SNX16: variants seen among roughly 807,000 people sequenced by gnomAD.
The protein encoded by SNX16 is sorting nexin 16.
Under a neutral mutation model 36.7 loss-of-function variants are expected in SNX16, and 35 were observed. The observed-to-expected ratio is 0.95, with a 90% CI of 0.73 to 1.27. The LOEUF (loss-of-function observed/expected upper bound fraction) is 1.27, where lower values mean the gene tolerates loss of function less well. SNX16 is among the 50% of genes most tolerant of loss of function. The probability of loss-of-function intolerance (pLI) is 0.00; values close to 1 mark genes in which losing one functional copy is unlikely to be tolerated. For synonymous variants in SNX16, 134 were observed against 132.0 expected (o/e 1.02, Z -0.10); for missense variants, 367 against 393.6 (o/e 0.93, Z 0.57).
intron 4 of SNX16, among the ~76,000 whole-genome samples, chr8:81,816,031 T>C (rs1192127735): frequency 3.9e-5 from 6 of 152,162 alleles, no homozygotes; most frequent in African/African-American, 7.2e-5. Context: ...AACTTCCTTA[T>C]AATAAAAATG....
intron 3 of SNX16, among the ~76,000 whole-genome samples, chr8:81,824,930 A>G (rs1469764680): frequency 6.6e-6 from 1 of 152,172 alleles, no homozygotes; most frequent in Admixed American, 6.5e-5. Flanking sequence ...ACTTACATCT[A>G]TAGTGGATGA....
At chr8:81,805,782 G>A (rs915783478) in intron 5 of SNX16, among the ~76,000 whole-genome samples, 2 of 152,052 alleles carry the variant, frequency 1.3e-5, no homozygotes, top group Admixed American at 6.5e-5. Context: ...TTAGCTGGGC[G>A]TGGTGGCGAG....
chr8:81,799,658 A>G lies in SNX16; in HGVS notation c.*1839T>C, dbSNP rs1809593490. On this transcript the variant is annotated 3_prime_UTR_variant, in exon 8 of 8. Coordinates refer to ENST00000345957, the MANE Select transcript of SNX16 (RefSeq NM_152836.3). ...GCATTATAAAAGTAAAAAAAAGTAA[A>G]TTATAAATATAAATAATAGTGGTTT... 1 of 151,970 alleles carries G rather than the reference A, an allele frequency of 6.6e-6. No homozygotes were observed. The highest frequency in any genetic ancestry group is 2.1e-4 in the South Asian group (1 of 4,834). 9.4% of individuals were successfully genotyped at this position (151,970 alleles called of 1,614,324 possible). A position where few individuals can be genotyped will look rare whatever the true frequency, so the allele number is the denominator to read the frequency against.
rs1285778107 is a variant in SNX16 at position 81,802,447 on chromosome 8, C to T, written c.871G>A (p.Glu291Lys). ...GAGGACTCCACCTTTAGGATCTGTT[C>T]ACCTTCTGTTTCTGACACATCCAGT... ...ESLDVSETEG[E>K]QILKVESSAL... is the part of the protein sequence containing the mutation. Residue 291 changes from glutamate (E) to lysine (K), a missense_variant, in exon 7 of 8, where the codon GAA (glutamate) becomes AAA (lysine). Coordinates refer to ENST00000345957, the MANE Select transcript of SNX16 (RefSeq NM_152836.3). 1.4e-5 allele frequency: 23 copies of T among 1,610,294 alleles called. No homozygotes were observed. Among genetic ancestry groups the T allele is most frequent in the Non-Finnish European group, 1.7e-5 (20 of 1,177,562 alleles).
At chr8:81,841,785 G>A (rs1482582559) in intron 1 of SNX16, 2 of 152,276 alleles carry the variant, frequency 1.3e-5, no homozygotes, top group Non-Finnish European at 2.9e-5. Context: ...GCAACCCCGT[G>A]GGCGGGAGGA....
intron 3 of SNX16, among the ~76,000 whole-genome samples, chr8:81,826,140 G>GA (rs575610964): frequency 2.6e-5 from 4 of 151,216 alleles, no homozygotes; most frequent in African/African-American, 4.9e-5. Flanking sequence ...GGAGAGAAAT[G>GA]AAAAAAAATT....
At chr8:81,820,515 G>A (rs1261203734) in intron 4 of SNX16, among the ~76,000 whole-genome samples, 3 of 151,620 alleles carry the variant, frequency 2.0e-5, no homozygotes, top group Non-Finnish European at 4.4e-5. Context: ...CTCAAAAAAT[G>A]TAGGAAAGTA....
intron 5 of SNX16, chr8:81,807,629 C>CT (rs1810027359): frequency 2.8e-6 from 1 of 355,200 alleles, no homozygotes; most frequent in Non-Finnish European, 5.3e-6. Flanking sequence ...TAGGGATGAA[C>CT]TTTTAAATAA....
At position 81,800,653 on chromosome 8, in the gene SNX16, T is replaced by C. The variant is rs1809643933; in HGVS notation, c.*844A>G. ...CCAGTTAGGAACTTTGCAGTATATA[T>C]GGCTTTTTATTTTCTTTTTTGTATA... On this transcript the variant is annotated 3_prime_UTR_variant, in exon 8 of 8. Coordinates refer to ENST00000345957, the MANE Select transcript of SNX16 (RefSeq NM_152836.3). 1 of 152,214 alleles carries C rather than the reference T, an allele frequency of 6.6e-6. No homozygotes were observed. Among genetic ancestry groups the C allele is most frequent in the Non-Finnish European group, 1.5e-5 (1 of 67,688 alleles). The allele number at this position is 152,214 out of a possible 1,614,324, so 9.4% of individuals were successfully genotyped here. A position where few individuals can be genotyped will look rare whatever the true frequency, so the allele number is the denominator to read the frequency against.
At chr8:81,806,417 A>T (rs1563431136) in intron 5 of SNX16, among the ~76,000 whole-genome samples, 2 of 152,194 alleles carry the variant, frequency 1.3e-5, no homozygotes, top group Non-Finnish European at 2.9e-5. Context: ...AACCCATATG[A>T]TCATCTATAC....
At chr8:81,808,989 GTTTT>G (rs569033941) in intron 5 of SNX16, among the ~76,000 whole-genome samples, 3 of 142,110 alleles carry the variant, frequency 2.1e-5, no homozygotes, top group Admixed American at 7.0e-5. Context: ...TTTTAATGTA[GTTTT>G]TTTTTTTTTG....
At chr8:81,818,309 C>A (rs1315131200) in intron 4 of SNX16, among the ~76,000 whole-genome samples, 1 of 151,924 alleles carries the variant, frequency 6.6e-6, no homozygotes, top group Non-Finnish European at 1.5e-5. Flanking sequence ...AGATTAACTT[C>A]TCTGAATATC....
chr8:81,812,801 A>G (rs1810319155), intron 5 of SNX16, among the ~76,000 whole-genome samples: 1 of 152,074 alleles, frequency 6.6e-6, no homozygotes, highest in Non-Finnish European at 1.5e-5. Context: ...AAGACTGTAT[A>G]AAGAAATAAT....
intron 5 of SNX16, among the ~76,000 whole-genome samples, chr8:81,814,250 A>G (rs568364778): frequency 6.6e-6 from 1 of 152,198 alleles, no homozygotes; most frequent in South Asian, 2.1e-4. Flanking sequence ...AAATAATTAT[A>G]GAGGATAACA....
At chr8:81,828,447 T>C (rs1349752580) in intron 3 of SNX16, among the ~76,000 whole-genome samples, 1 of 152,206 alleles carries the variant, frequency 6.6e-6, no homozygotes, top group African/African-American at 2.4e-5. Flanking sequence ...ATCCTGCTCA[T>C]ACTGTTTGTT....
chr8:81,816,181 C>CTTTTTTT (rs777491714), intron 4 of SNX16, among the ~76,000 whole-genome samples: 4,098 of 137,678 alleles, frequency 0.03, 160 homozygotes, highest in East Asian at 0.13. Flanking sequence ...AAAGGATTTT[C>CTTTTTTT]TTTTTTTTTT....
At chr8:81,810,725 G>A (rs1810199081) in intron 5 of SNX16, among the ~76,000 whole-genome samples, 1 of 152,172 alleles carries the variant, frequency 6.6e-6, no homozygotes. Flanking sequence ...ACTTGGTAAT[G>A]TCTGGAGACA....
chr8:81,815,528 T>G, intron 4 of SNX16, 134 bp from the exon 5 acceptor site: 2 of 567,294 alleles, frequency 3.5e-6, no homozygotes, highest in Non-Finnish European at 6.2e-6. Context: ...TAACTAAATA[T>G]AAATATAAAA....
intron 4 of SNX16, among the ~76,000 whole-genome samples, chr8:81,821,152 A>G (rs1159390932): frequency 6.6e-6 from 1 of 150,722 alleles, no homozygotes; most frequent in Non-Finnish European, 1.5e-5. Flanking sequence ...TAGAACCTTT[A>G]ATCCTTTAGG....
Sources: allele counts gnomAD v4.1 joint callset (sites outside exome capture counted in the v4.1 genomes callset), GRCh38; gene constraint gnomAD v4.1.1; transcripts MANE v1.5; gene names NCBI Gene and HGNC (gene_info 2026-07-23, HGNC 2026-07-21).